IL7: variants seen among roughly 807,000 people sequenced by gnomAD.
IL7 encodes the protein interleukin-7.
In IL7, 3 loss-of-function variants were observed where a neutral mutation model predicts 21.6. The ratio of observed to expected loss-of-function variants is 0.14; its 90% CI spans 0.06 to 0.36. The LOEUF (loss-of-function observed/expected upper bound fraction) is 0.36, where lower values mean the gene tolerates loss of function less well. Among genes scored for constraint, IL7 ranks in the 10% least tolerant of loss-of-function variants. IL7 has a pLI of 1.00. For synonymous variants in IL7, 62 were observed against 68.1 expected (o/e 0.91, Z 0.44); for missense variants, 175 against 200.2 (o/e 0.87, Z 0.76).
intron 2 of IL7, among the ~76,000 whole-genome samples, chr8:78,788,634 A>G (rs936655741): frequency 1.3e-5 from 2 of 152,126 alleles, no homozygotes; most frequent in African/African-American, 4.8e-5. Context: ...GGTGTGTTTT[A>G]CGGCTCAGTA....
intron 6 of IL7, chr8:78,718,805 A>G (rs555218438): frequency 1.5e-4 from 23 of 151,908 alleles, no homozygotes; most frequent in African/African-American, 5.5e-4. Context: ...TTTCTATTCA[A>G]TCAAACCTAA....
chr8:78,789,732 C>T (rs910140651), intron 2 of IL7, among the ~76,000 whole-genome samples: 12 of 151,846 alleles, frequency 7.9e-5, no homozygotes, highest in African/African-American at 2.7e-4. Context: ...TAGTAGAAGT[C>T]TATAGAATAG....
intron 2 of IL7, among the ~76,000 whole-genome samples, chr8:78,755,003 C>A (rs896058401): frequency 1.3e-5 from 2 of 151,990 alleles, no homozygotes; most frequent in Non-Finnish European, 2.9e-5. Flanking sequence ...CAAGTTGATT[C>A]TTATATATGG....
intron 2 of IL7, chr8:78,746,921 C>CAGTTT (rs1811997532): frequency 2.6e-6 from 1 of 392,134 alleles, no homozygotes; most frequent in Non-Finnish European, 5.0e-6. Flanking sequence ...TGTGATAGGA[C>CAGTTT]AGTTTTCTTC....
intron 3 of IL7, chr8:78,686,655 A>G (rs1252061878): frequency 2.1e-6 from 3 of 1,409,336 alleles, no homozygotes; most frequent in East Asian, 2.6e-5. Context: ...AAAGAAAATA[A>G]TGATAGAGTT....
downstream of IL7, among the ~76,000 whole-genome samples, chr8:78,716,674 A>G (rs148625622): frequency 6.6e-3 from 1,003 of 152,188 alleles, 14 homozygotes; most frequent in African/African-American, 0.022. Context: ...TTCTGCTCCC[A>G]GTGTAGTAAA....
intron 2 of IL7, among the ~76,000 whole-genome samples, chr8:78,758,228 T>C (rs1009846570): frequency 2.6e-5 from 4 of 152,116 alleles, no homozygotes; most frequent in Admixed American, 6.5e-5. Flanking sequence ...AGCCAGTCTA[T>C]ACTTTATAAT....
intron 2 of IL7, among the ~76,000 whole-genome samples, chr8:78,770,358 C>A (rs546220926): frequency 7.4e-6 from 1 of 135,026 alleles, no homozygotes; most frequent in Admixed American, 7.1e-5. Context: ...TGGAGCTAAA[C>A]ATTGGTAAAA....
At chr8:78,704,404 AAAG>A (rs1302301373) in intron 3 of IL7, among the ~76,000 whole-genome samples, 5 of 151,692 alleles carry the variant, frequency 3.3e-5, no homozygotes, top group Non-Finnish European at 1.5e-5. Context: ...AAAAAAAAAA[AAAG>A]AATGTTAAAT....
chr8:78,757,654 CTT>C (rs951769355), intron 2 of IL7, among the ~76,000 whole-genome samples: 3 of 152,014 alleles, frequency 2.0e-5, no homozygotes, highest in Non-Finnish European at 2.9e-5. Flanking sequence ...CTCTTTATCT[CTT>C]GTTATGTTCT....
At chr8:78,797,617 T>A (rs1320916605) in intron 2 of IL7, among the ~76,000 whole-genome samples, 1 of 152,022 alleles carries the variant, frequency 6.6e-6, no homozygotes, top group Non-Finnish European at 1.5e-5. Flanking sequence ...TAACAAATTA[T>A]TGATTACACA....
intron 3 of IL7, 56 bp from the exon 4 acceptor site, chr8:78,738,691 T>A (rs1020907718): frequency 2.5e-5 from 38 of 1,529,918 alleles, no homozygotes; most frequent in Non-Finnish European, 3.1e-5. Context: ...TAAGAAATTA[T>A]AAGCTTTCTT....
At chr8:78,731,421 A>G (rs918812742), downstream of IL7, among the ~76,000 whole-genome samples, 1 of 151,796 alleles carries the variant, frequency 6.6e-6, no homozygotes, top group African/African-American at 2.4e-5. Flanking sequence ...TTACTATTAA[A>G]TTTTTTTCAC....
chr8:78,797,427 C>A (rs1259342846), intron 2 of IL7, among the ~76,000 whole-genome samples: 1 of 151,860 alleles, frequency 6.6e-6, no homozygotes, highest in Non-Finnish European at 1.5e-5. Flanking sequence ...GCTGGCTCAT[C>A]AATTGTAATA....
chr8:78,690,433 G>A (rs559388674), intron 3 of IL7, among the ~76,000 whole-genome samples: 46 of 152,020 alleles, frequency 3.0e-4, no homozygotes, highest in African/African-American at 9.2e-4. Context: ...GGTGGCGGGC[G>A]CCTGTAGTCC....
intron 2 of IL7, among the ~76,000 whole-genome samples, chr8:78,783,723 C>G (rs552717839): frequency 1.4e-4 from 21 of 152,060 alleles, no homozygotes; most frequent in African/African-American, 5.1e-4. Flanking sequence ...AACTATATAA[C>G]CTGTGATTAA....
chr8:78,799,922 T>C (rs1813995634), intron 1 of IL7, among the ~76,000 whole-genome samples: 1 of 152,186 alleles, frequency 6.6e-6, no homozygotes, highest in Non-Finnish European at 1.5e-5. Context: ...TAAAAAAATG[T>C]ACACTCATAG....
rs115828782 is a variant in IL7, at chr8:78,775,960, G to A, written c.147+22112C>T. 6.5e-3 allele frequency among the ~76,000 whole-genome samples: 986 copies of A among 152,032 alleles called. 13 individuals are homozygous for A. The highest frequency in any genetic ancestry group is 0.022 in the African/African-American group (898 of 41,486). On this transcript the variant is annotated intron_variant, in intron 2 of 5. Transcript: ENST00000263851. Reference sequence around the variant, plus strand: ...TCTACAGTAGTACCCCTTATCCTTGGAGGATACTTTCCAAGGCCACCAGTG... The same window carrying A: ...TCTACAGTAGTACCCCTTATCCTTGAAGGATACTTTCCAAGGCCACCAGTG...
chr8:78,683,793 C>T (rs1453964779), intron 4 of IL7, among the ~76,000 whole-genome samples: 2 of 152,104 alleles, frequency 1.3e-5, no homozygotes, highest in African/African-American at 4.8e-5. Context: ...CTTATATATT[C>T]TGCTTCCTCT....
Sources: allele counts gnomAD v4.1 joint callset (sites outside exome capture counted in the v4.1 genomes callset), GRCh38; gene constraint gnomAD v4.1.1; transcripts MANE v1.5; gene names NCBI Gene and HGNC (gene_info 2026-07-23, HGNC 2026-07-21).